The following ZNF521 variants were observed in gnomAD, a reference collection of about 807,000 sequenced individuals.
ZNF521 encodes zinc finger protein 521.
Under a neutral mutation model 105.5 loss-of-function variants are expected in ZNF521, and 14 were observed. That is an observed-to-expected ratio of 0.13 (90% CI 0.09 to 0.21). ZNF521 has a LOEUF of 0.21. Ranked by LOEUF, ZNF521 falls within the 10% of genes least tolerant of loss-of-function variation. The pLI, the probability that ZNF521 is intolerant of heterozygous loss-of-function variation, is 1.00. For missense variants in ZNF521, 1,233 were observed against 1,629.7 expected, an observed-to-expected ratio of 0.76 and a Z score of 4.19; for synonymous variants, 635 against 606.0, an observed-to-expected ratio of 1.05 and a Z score of -0.70.
intron 3 of ZNF521, among the ~76,000 whole-genome samples, chr18:25,271,318 A>G (rs1310583582): frequency 1.3e-5 from 2 of 152,226 alleles, no homozygotes; most frequent in East Asian, 3.8e-4. Flanking sequence ...GGAAGAAGCA[A>G]TATCATGAAA....
intron 5 of ZNF521, among the ~76,000 whole-genome samples, chr18:25,126,563 TAA>T (rs1216833496): frequency 6.6e-6 from 1 of 152,112 alleles, no homozygotes. Flanking sequence ...GTGAAGTAAG[TAA>T]AGTCACTCAT....
chr18:25,086,236 G>T (rs1235259532), intron 7 of ZNF521, among the ~76,000 whole-genome samples: 1 of 151,404 alleles, frequency 6.6e-6, no homozygotes, highest in African/African-American at 2.4e-5. Context: ...TTTTTCACTT[G>T]TCCTAGGAAA....
chr18:25,225,609 T>G lies in ZNF521; in HGVS notation c.2309A>C (p.His770Pro). 6.2e-7 allele frequency: 1 copy of G among 1,614,208 alleles called. No individual in the cohort carries two copies. Residue 770 changes from histidine (H) to proline (P), a missense_variant, in exon 4 of 8, where the codon CAT (histidine) becomes CCT (proline). This residue lies in a region of ZNF521 where 614 missense variants were observed against 751.5 expected (regional missense o/e 0.82). Coordinates refer to ENST00000361524, the MANE Select transcript of ZNF521 (RefSeq NM_015461.3). This position sits in a 1 kb window ranked among gnomAD's most constrained non-coding sequence, Gnocchi z 5.6. ...DFRNETDLQL[H>P]VKHNHLENQG... Reference sequence around the variant, plus strand: ...GTTTTCCAGGTGGTTGTGTTTCACATGGAGCTGCAAGTCAGTTTCGTTGCG... The same window carrying G: ...GTTTTCCAGGTGGTTGTGTTTCACAGGGAGCTGCAAGTCAGTTTCGTTGCG...
chr18:25,316,695 T>C (rs1912639573), intron 3 of ZNF521, among the ~76,000 whole-genome samples: 1 of 150,250 alleles, frequency 6.7e-6, no homozygotes, highest in Non-Finnish European at 1.5e-5. Flanking sequence ...CATTTCTCCC[T>C]TTTTTTCGCT....
intron 5 of ZNF521, among the ~76,000 whole-genome samples, chr18:25,173,717 A>C (rs1385605315): frequency 6.6e-6 from 1 of 152,180 alleles, no homozygotes; most frequent in Non-Finnish European, 1.5e-5. Flanking sequence ...AAACGAAGTT[A>C]GCCAATAGTA....
chr18:25,161,127 G>T lies in ZNF521; in HGVS notation c.3658+34033C>A, dbSNP rs542375237. Among the ~76,000 whole-genome samples the T allele has an allele frequency of 7.2e-5, 11 of 152,048 alleles. No homozygotes were observed. In the South Asian group the frequency reaches 1.5e-3, roughly 20 times the overall value. ...ATACTCATTATGAAGGCTTGTGACGGGAGCACCTCAAACCAGAGGCCTCCT... is the reference window on the plus strand; with the variant it reads ...ATACTCATTATGAAGGCTTGTGACGTGAGCACCTCAAACCAGAGGCCTCCT... On this transcript the variant is annotated intron_variant, in intron 5 of 7. Coordinates refer to ENST00000361524, the MANE Select transcript of ZNF521 (RefSeq NM_015461.3).
At chr18:25,316,441 T>TG (rs1231929357) in intron 3 of ZNF521, among the ~76,000 whole-genome samples, 1 of 53,068 alleles carries the variant, frequency 1.9e-5, no homozygotes, top group Non-Finnish European at 3.3e-5. Context: ...GGGTGGGGGG[T>TG]GGGGGGTGGG....
Position 25,348,301 on chromosome 18 carries a change from T to C in ZNF521, c.40+2606A>G, listed in dbSNP as rs551399021. 5.5e-4 allele frequency among the ~76,000 whole-genome samples: 84 copies of C among 152,140 alleles called. 1 individual carries two copies. The highest frequency in any genetic ancestry group is 3.4e-3 in the Middle Eastern group (1 of 294). ...CACTCCTACAACACATTTTGAAAAA[T>C]TGGAGACCCTTCCAAGAAGACATAG... On this transcript the variant is annotated intron_variant, in intron 2 of 7. Coordinates refer to ENST00000361524, the MANE Select transcript of ZNF521 (RefSeq NM_015461.3).
chr18:25,188,702 T>A (rs751014145), intron 5 of ZNF521, among the ~76,000 whole-genome samples: 9 of 152,170 alleles, frequency 5.9e-5, no homozygotes, highest in Non-Finnish European at 1.2e-4. Flanking sequence ...CCTGCCATTG[T>A]ATGTCAGCCA....
At chr18:25,172,170 A>C (rs2144562371) in intron 5 of ZNF521, among the ~76,000 whole-genome samples, 1 of 152,294 alleles carries the variant, frequency 6.6e-6, no homozygotes, top group African/African-American at 2.4e-5. Context: ...ATTGAGAGGA[A>C]AACCATACAC....
intron 5 of ZNF521, among the ~76,000 whole-genome samples, chr18:25,155,854 T>C (rs2035133699): frequency 6.6e-6 from 1 of 152,202 alleles, no homozygotes; most frequent in Non-Finnish European, 1.5e-5. Context: ...AGGAGGACAT[T>C]GTGCTAAATG....
chr18:25,313,959 G>A (rs1024512941), intron 3 of ZNF521, among the ~76,000 whole-genome samples: 1 of 151,914 alleles, frequency 6.6e-6, no homozygotes, highest in Non-Finnish European at 1.5e-5. Flanking sequence ...AAAATGGAAG[G>A]AAACAGGAAA....
intron 5 of ZNF521, among the ~76,000 whole-genome samples, chr18:25,099,798 T>C (rs2033929890): frequency 6.6e-6 from 1 of 152,232 alleles, no homozygotes; most frequent in South Asian, 2.1e-4. Flanking sequence ...CTTCCGGCAG[T>C]AGTGGAAGTA....
chr18:25,195,575 A>G (rs1236882688), intron 4 of ZNF521, among the ~76,000 whole-genome samples: 1 of 151,582 alleles, frequency 6.6e-6, no homozygotes, highest in Non-Finnish European at 1.5e-5. Context: ...TGCGTATTAA[A>G]AAAAAATCTA....
chr18:25,245,455 G>T (rs1291648093), intron 3 of ZNF521, among the ~76,000 whole-genome samples: 3 of 152,178 alleles, frequency 2.0e-5, no homozygotes, highest in Non-Finnish European at 4.4e-5. Context: ...ATGCTTTTTA[G>T]TCTAAGCTTC....
intron 7 of ZNF521, among the ~76,000 whole-genome samples, chr18:25,072,472 T>C (rs1479973767): frequency 1.3e-5 from 2 of 152,180 alleles, no homozygotes; most frequent in African/African-American, 4.8e-5. Context: ...CCTGACAAGC[T>C]TGAAAATTTC....
At chr18:25,214,477 A>C (rs1168446009) in intron 4 of ZNF521, among the ~76,000 whole-genome samples, 1 of 151,988 alleles carries the variant, frequency 6.6e-6, no homozygotes, top group Non-Finnish European at 1.5e-5. Context: ...ATTTATCTTA[A>C]GTTGATATAT....
intron 2 of ZNF521, among the ~76,000 whole-genome samples, chr18:25,339,832 G>A (rs11083118): frequency 0.46 from 69,934 of 151,894 alleles, 16,414 homozygotes; most frequent in Middle Eastern, 0.51. Context: ...TAGGTGGGTC[G>A]GAAAAAGCCT....
At chr18:25,110,442 C>CAAAAAAAAAAA (rs372395726) in intron 5 of ZNF521, among the ~76,000 whole-genome samples, 62 of 148,932 alleles carry the variant, frequency 4.2e-4, no homozygotes, top group Non-Finnish European at 6.3e-4. Context: ...GGCAGGAGAC[C>CAAAAAAAAAAA]AAAAAAGAAA....
Sources: gnomAD v4.1 joint callset for allele counts (sites outside exome capture counted in the v4.1 genomes callset) on GRCh38, gnomAD v4.1.1 for gene constraint, gnomAD v4.1.1 regional missense constraint, Gnocchi (gnomAD v3.1) non-coding constraint, MANE v1.5 for transcripts, NCBI Gene and HGNC (gene_info 2026-07-23, HGNC 2026-07-21) for gene names.